Variants in KIF26B observed in about 807,000 individuals in gnomAD.
The protein encoded by KIF26B is kinesin family member 26B.
In KIF26B, 63 loss-of-function variants were observed where a neutral mutation model predicts 151.2. The ratio of observed to expected loss-of-function variants is 0.42; its 90% CI spans 0.34 to 0.51. KIF26B has a LOEUF of 0.51. Ranked by LOEUF, KIF26B falls within the 20% of genes least tolerant of loss-of-function variation. The pLI is 0.07. For missense variants in KIF26B, 2,813 were observed against 2,913.6 expected, an observed-to-expected ratio of 0.97 and a Z score of 0.79; for synonymous variants, 1,357 against 1,262.1, an observed-to-expected ratio of 1.08 and a Z score of -1.59.
intron 2 of KIF26B, among the ~76,000 whole-genome samples, chr1:245,255,056 A>T (rs1337213476): frequency 2.0e-5 from 3 of 152,124 alleles, no homozygotes; most frequent in Non-Finnish European, 2.9e-5. Context: ...TCATGAATGG[A>T]TTAATGTCAT....
At chr1:245,169,679 G>A (rs1392521765) in intron 2 of KIF26B, among the ~76,000 whole-genome samples, 3 of 152,086 alleles carry the variant, frequency 2.0e-5, no homozygotes, top group Non-Finnish European at 2.9e-5. Context: ...TCTGCTTCCT[G>A]TGTGAGGCAT....
intron 3 of KIF26B, chr1:245,370,592 T>C (rs1403274311): frequency 4.4e-6 from 2 of 456,726 alleles, no homozygotes; most frequent in Non-Finnish European, 8.8e-6. Flanking sequence ...GAAGCTCTTG[T>C]CACACGTGGC....
In KIF26B at chr1:245,601,991, G is replaced by A. The variant is rs1440851726; in HGVS notation, c.1351-586G>A. ...CTGAAACGACAACTTCTCTGCACTC[G>A]CTTAATGGGATCCCAAATAACACGT... On this transcript the variant is annotated intron_variant, in intron 5 of 14. Transcript: ENST00000407071. This position sits in a 1 kb window ranked among gnomAD's most constrained non-coding sequence, Gnocchi z 4.4. 1.3e-5 allele frequency among the ~76,000 whole-genome samples: 2 copies of A among 152,182 alleles called. No homozygotes were observed. Among genetic ancestry groups the A allele is most frequent in the Admixed American group, 6.5e-5 (1 of 15,274 alleles).
intron 10 of KIF26B, among the ~76,000 whole-genome samples, chr1:245,653,258 C>T (rs1052391432): frequency 2.6e-5 from 4 of 152,106 alleles, no homozygotes; most frequent in Non-Finnish European, 5.9e-5. Context: ...AGGGCAGAAC[C>T]GAGAGCGGGA....
intron 2 of KIF26B, among the ~76,000 whole-genome samples, chr1:245,250,254 A>T (rs1670418194): frequency 6.6e-6 from 1 of 152,192 alleles, no homozygotes; most frequent in South Asian, 2.1e-4. Context: ...TAGGCGTATT[A>T]TATATAGTAA....
chr1:245,350,482 C>A (rs1350513507), intron 2 of KIF26B, among the ~76,000 whole-genome samples: 1 of 152,126 alleles, frequency 6.6e-6, no homozygotes, highest in Admixed American at 6.5e-5. Context: ...AGTCTCATCC[C>A]AGTGCAAAGT....
intron 5 of KIF26B, among the ~76,000 whole-genome samples, chr1:245,595,512 G>A (rs554258897): frequency 6.6e-6 from 1 of 152,228 alleles, no homozygotes; most frequent in Admixed American, 6.5e-5. Context: ...AGATGAAGCC[G>A]ACCTGATCGT....
chr1:245,689,159 G>C (rs887746437), intron 12 of KIF26B, among the ~76,000 whole-genome samples: 4 of 152,232 alleles, frequency 2.6e-5, no homozygotes, highest in Non-Finnish European at 5.9e-5. Context: ...CCCGGATGCA[G>C]GTGGCAGCAT....
At chr1:245,691,283 C>G (rs1045707606) in intron 12 of KIF26B, among the ~76,000 whole-genome samples, 4 of 152,256 alleles carry the variant, frequency 2.6e-5, no homozygotes, top group Admixed American at 6.5e-5. Context: ...TGCATACGCC[C>G]TTGCTCTGGG....
At position 245,704,865 on chromosome 1, in the gene KIF26B, G is replaced by GTATT. The variant is rs35031639; in HGVS notation, c.*2260_*2261insATTT. The GTATT allele has an allele frequency of 2.6e-5, 4 of 151,822 alleles. No homozygotes were observed. Among genetic ancestry groups the GTATT allele is most frequent in the African/African-American group, 7.3e-5 (3 of 41,270 alleles). The allele number at this position is 151,822 out of a possible 1,614,324, so 9.4% of individuals were successfully genotyped here. On this transcript the variant is annotated 3_prime_UTR_variant, in exon 15 of 15. Transcript: ENST00000407071. ...GTTTCAAACATATAGTTCATGAAAA[G>GTATT]TCTTTAATTGGAGATTTTCAAAGGT...
intron 2 of KIF26B, among the ~76,000 whole-genome samples, chr1:245,163,846 C>T (rs144728421): frequency 5.9e-5 from 9 of 152,034 alleles, no homozygotes; most frequent in Admixed American, 1.3e-4. Context: ...TTTTATATCC[C>T]GTCGCCTTAT....
At chr1:245,177,665 GGTGTGTGTGTGT>G (rs111597803) in intron 2 of KIF26B, among the ~76,000 whole-genome samples, 15 of 149,172 alleles carry the variant, frequency 1.0e-4, no homozygotes, top group Non-Finnish European at 1.8e-4. Flanking sequence ...TGTCCTTAGG[GGTGTGTGTGTGT>G]GTGTGTGTGT....
rs1285180901 is a variant in KIF26B, at chr1:245,488,039, C to G, written c.1167-52728C>G. Among the ~76,000 whole-genome samples, 1 of 152,124 alleles carries G rather than the reference C, an allele frequency of 6.6e-6. No individual in the cohort carries two copies. The highest frequency in any genetic ancestry group is 1.5e-5 in the Non-Finnish European group (1 of 68,024). On this transcript the variant is annotated intron_variant, in intron 4 of 14. Transcript: ENST00000407071. The surrounding 1 kb of genome is among the most constrained non-coding windows in gnomAD (Gnocchi z 4.6). ...CTGACCTCAGGTGATCCACCCACCT[C>G]AGCCTGCCAAAGTGCTGGGATTACA...
intron 10 of KIF26B, among the ~76,000 whole-genome samples, chr1:245,681,279 G>A (rs891613557): frequency 7.3e-5 from 11 of 151,218 alleles, no homozygotes; most frequent in Middle Eastern, 3.4e-3. Flanking sequence ...GCGCGATCAC[G>A]GCTCACTGCA....
At chr1:245,524,793 C>A (rs534547276) in intron 4 of KIF26B, among the ~76,000 whole-genome samples, 1 of 151,998 alleles carries the variant, frequency 6.6e-6, no homozygotes, top group Non-Finnish European at 1.5e-5. Context: ...ATAGCCGAGG[C>A]CCCCCTTATC....
In KIF26B at chr1:245,687,404, C is replaced by CCAGAG; in HGVS notation, c.4430_4434dup (p.Glu1479SerfsTer151). On this transcript the variant is annotated frameshift_variant, in exon 12 of 15. Transcript: ENST00000407071. LOFTEE classifies it high-confidence loss of function. The surrounding 1 kb of genome is among the most constrained non-coding windows in gnomAD (Gnocchi z 4.9). ...GCCACGGGCCCCTCGAATGCTGAGA[C>CCAGAG]CAGAGCAGAGCAGGAGCAGGACGGA... 2 of 1,589,342 alleles carry CCAGAG rather than the reference C, an allele frequency of 1.3e-6. No individual in the cohort carries two copies. Among genetic ancestry groups the CCAGAG allele is most frequent in the African/African-American group, 1.3e-5 (1 of 74,540 alleles).
At chr1:245,421,124 C>G (rs1034736864) in intron 4 of KIF26B, among the ~76,000 whole-genome samples, 8 of 152,128 alleles carry the variant, frequency 5.3e-5, no homozygotes, top group African/African-American at 1.9e-4. Context: ...TTGTCCCAGA[C>G]CATTAAGCAG....
chr1:245,495,461 A>C lies in KIF26B; in HGVS notation c.1167-45306A>C, dbSNP rs114704878. On this transcript the variant is annotated intron_variant, in intron 4 of 14. Transcript: ENST00000407071. The surrounding 1 kb of genome is among the most constrained non-coding windows in gnomAD (Gnocchi z 4.2). ...ATCATGGTAATCAGCATATCTATCA[A>C]CTCAAACATTTATCATGTCTTTGTG... 7.8e-3 allele frequency among the ~76,000 whole-genome samples: 1,181 copies of C among 152,310 alleles called. 18 individuals are homozygous for C. The highest frequency in any genetic ancestry group is 0.033 in the Admixed American group (501 of 15,300).
intron 11 of KIF26B, among the ~76,000 whole-genome samples, chr1:245,684,907 A>G (rs1432185197): frequency 6.6e-6 from 1 of 152,190 alleles, no homozygotes; most frequent in Non-Finnish European, 1.5e-5. Flanking sequence ...TCTGCTGGAC[A>G]TCGCTGGGCT....
Sources: gnomAD v4.1 joint callset for allele counts (sites outside exome capture counted in the v4.1 genomes callset) on GRCh38, gnomAD v4.1.1 for gene constraint, Gnocchi (gnomAD v3.1) non-coding constraint, MANE v1.5 for transcripts, NCBI Gene and HGNC (gene_info 2026-07-23, HGNC 2026-07-21) for gene names.